The following MSN variants were observed in gnomAD, a reference collection of about 807,000 sequenced individuals.
The protein encoded by MSN is moesin.
A neutral mutation model predicts 48.0 loss-of-function variants in MSN; 2 were observed. The observed-to-expected ratio is 0.04, with a 90% CI of 0.02 to 0.13. The LOEUF (loss-of-function observed/expected upper bound fraction) is 0.13, where lower values mean the gene tolerates loss of function less well. MSN is among the 10% of genes least tolerant of loss of function. The pLI, the probability that MSN is intolerant of heterozygous loss-of-function variation, is 1.00. For missense variants in MSN, 267 were observed against 470.1 expected (o/e 0.57, Z 3.99); for synonymous variants, 146 against 166.9 (o/e 0.87, Z 0.97).
At chrX:65,708,805 C>G in intron 1 of MSN, among the ~76,000 whole-genome samples, 1 of 111,083 alleles carries the variant, frequency 9.0e-6, no homozygotes, top group Non-Finnish European at 1.9e-5. Flanking sequence ...GCCTCAGCCT[C>G]CTGAGTAGCT....
At chrX:65,675,385 G>T (rs368846619) in intron 1 of MSN, among the ~76,000 whole-genome samples, 1 of 111,296 alleles carries the variant, frequency 9.0e-6, no homozygotes, top group Non-Finnish European at 1.9e-5. Flanking sequence ...AGCAGTGGCC[G>T]TTCTGGGTGG....
Position 65,599,323 on chromosome X carries a change from G to A in MSN, c.-22+10711G>A, listed in dbSNP as rs560027136. On this transcript the variant is annotated intron_variant, in intron 1 of 3. Coordinates refer to the MSN transcript ENST00000609672. ...AAAAAAAAATAATAATTTCAAAGAT[G>A]CACTTATTCTTTAAAAAAATTCAAA... 5.4e-5 allele frequency among the ~76,000 whole-genome samples: 6 copies of A among 110,957 alleles called. No homozygotes were observed. The South Asian group carries it at 2.3e-3, about 42-fold the overall frequency.
intron 1 of MSN, among the ~76,000 whole-genome samples, chrX:65,698,831 C>T (rs2071272848): frequency 8.9e-6 from 1 of 112,142 alleles, no homozygotes; most frequent in South Asian, 3.7e-4. Flanking sequence ...TAGCTGGACA[C>T]TTTTTTCCTG....
chrX:65,738,591 A>T lies in MSN; in HGVS notation c.1318A>T (p.Ser440Cys). The change falls in exon 11 of 13, where the codon AGT (serine) becomes TGT (cysteine). Residue 440 changes from serine (S) to cysteine (C), a missense_variant. By Grantham distance (112) the Ser-to-Cys change is moderately radical. This residue lies in a region of MSN where 70 missense variants were observed against 76.3 expected (regional missense o/e 0.92). Coordinates refer to ENST00000360270, the MANE Select transcript of MSN (RefSeq NM_002444.3). The stretch of plus-strand genomic sequence containing the variant: ...GGAGATGGCCCGACAGAAGAAGGAG[A>T]GTGAGGCTGTGGAGTGGCAGCAGAA... ...QLEMARQKKE[S>C]EAVEWQQKAQ... 8.3e-7 allele frequency: 1 copy of T among 1,209,110 alleles called. No individual in the cohort carries two copies. Among genetic ancestry groups the T allele is most frequent in the African/African-American group, 1.7e-5 (1 of 57,710 alleles).
At chrX:65,588,553 C>T (rs1028356245) in exon 1 of MSN, 9 of 805,534 alleles carry the variant, frequency 1.1e-5, no homozygotes, top group African/African-American at 6.5e-5. Context: ...CCAGCCCCGC[C>T]GCTCAACCAG....
intron 1 of MSN, among the ~76,000 whole-genome samples, chrX:65,697,725 G>A (rs1297965551): frequency 2.7e-5 from 3 of 112,311 alleles, no homozygotes; most frequent in Admixed American, 9.4e-5. Flanking sequence ...TGCATTTCCT[G>A]GTTTGTTAAT....
At chrX:65,601,281 C>A (rs1015980195) in intron 1 of MSN, among the ~76,000 whole-genome samples, 11 of 111,530 alleles carry the variant, frequency 9.9e-5, no homozygotes, top group Non-Finnish European at 2.1e-4. Flanking sequence ...ATTCAGAGGG[C>A]CTTTCTAGTT....
At position 65,696,536 on chromosome X, in the gene MSN, A is replaced by G. The variant is rs908612879; in HGVS notation, c.13-20282A>G. Among the ~76,000 whole-genome samples the G allele has an allele frequency of 2.7e-5, 3 of 111,007 alleles. No homozygotes were observed. In the Admixed American group the frequency reaches 2.9e-4, roughly 11 times the overall value. On this transcript the variant is annotated intron_variant, in intron 1 of 12. Coordinates refer to ENST00000360270, the MANE Select transcript of MSN (RefSeq NM_002444.3). ...GGTTGGCCTCTTTACTGTTGTCTGA[A>G]AAAACTAGACCAAACATTCGGGGCT...
chrX:65,643,971 A>C (rs999944529), intron 1 of MSN, among the ~76,000 whole-genome samples: 7 of 111,949 alleles, frequency 6.3e-5, no homozygotes, highest in African/African-American at 2.3e-4. Flanking sequence ...GCAAGTATTT[A>C]GACCTTAAGT....
intron 1 of MSN, among the ~76,000 whole-genome samples, chrX:65,697,234 T>C (rs2071253509): frequency 1.8e-5 from 2 of 110,626 alleles, no homozygotes; most frequent in Admixed American, 1.9e-4. Flanking sequence ...TGCTTAGGGG[T>C]AGCCAGCCAA....
chrX:65,636,995 C>T (rs1217461612), intron 1 of MSN, among the ~76,000 whole-genome samples: 1 of 105,466 alleles, frequency 9.5e-6, no homozygotes, highest in African/African-American at 3.5e-5. Flanking sequence ...GAGGCTGAGG[C>T]AGGAGAATGG....
chrX:65,620,043 C>G (rs958525813), intron 1 of MSN, among the ~76,000 whole-genome samples: 1 of 111,944 alleles, frequency 8.9e-6, no homozygotes. Flanking sequence ...CAGGGACCCA[C>G]GTGAGGAGGC....
At chrX:65,715,404 A>G (rs1453198567) in intron 1 of MSN, among the ~76,000 whole-genome samples, 2 of 111,962 alleles carry the variant, frequency 1.8e-5, no homozygotes, top group Non-Finnish European at 3.8e-5. Flanking sequence ...CTATTCTATG[A>G]ATTGCTTTGG....
At chrX:65,738,700 TG>T in intron 11 of MSN, 83 bp downstream of exon 11, 1 of 939,258 alleles carries the variant, frequency 1.1e-6, no homozygotes, top group Non-Finnish European at 1.5e-6. Flanking sequence ...CCTTATGTTT[TG>T]GCTCCCTCCC....
chrX:65,633,646 C>T (rs1217843758), intron 1 of MSN, among the ~76,000 whole-genome samples: 1 of 112,139 alleles, frequency 8.9e-6, no homozygotes, highest in African/African-American at 3.2e-5. Context: ...GACTGGTCCG[C>T]TGTAAACTGG....
At chrX:65,591,440 C>A (rs182465584) in intron 1 of MSN, among the ~76,000 whole-genome samples, 4 of 112,165 alleles carry the variant, frequency 3.6e-5, no homozygotes, top group African/African-American at 1.3e-4. Context: ...TTCCTGTGCT[C>A]CTGGTCCACT....
At chrX:65,694,985 C>T (rs2071217056) in intron 1 of MSN, among the ~76,000 whole-genome samples, 1 of 112,094 alleles carries the variant, frequency 8.9e-6, no homozygotes. Flanking sequence ...TGGATCTCCA[C>T]CCCTTTGCAG....
At chrX:65,614,218 C>T (rs1223018567) in intron 1 of MSN, among the ~76,000 whole-genome samples, 1 of 111,289 alleles carries the variant, frequency 9.0e-6, no homozygotes, top group Non-Finnish European at 1.9e-5. Context: ...CTGTTCTGTT[C>T]CATTGGTCTA....
chrX:65,663,785 G>A (rs2070843123), upstream of MSN, among the ~76,000 whole-genome samples: 2 of 111,114 alleles, frequency 1.8e-5, no homozygotes. Flanking sequence ...AAGGCCAGGA[G>A]CGGTGACTCA....
Sources: gnomAD v4.1 joint callset for allele counts (sites outside exome capture counted in the v4.1 genomes callset) on GRCh38, gnomAD v4.1.1 for gene constraint, gnomAD v4.1.1 regional missense constraint, MANE v1.5 for transcripts, NCBI Gene and HGNC (gene_info 2026-07-23, HGNC 2026-07-21) for gene names.